The following GPHN variants were observed in gnomAD, a reference collection of about 807,000 sequenced individuals.
GPHN encodes gephyrin.
Under a neutral mutation model 95.5 loss-of-function variants are expected in GPHN, and 17 were observed. The ratio of observed to expected loss-of-function variants is 0.18; its 90% confidence interval spans 0.12 to 0.27. The LOEUF is 0.27. Among genes scored for constraint, GPHN ranks in the 10% least tolerant of loss-of-function variants. The pLI is 1.00. For synonymous variants in GPHN, 320 were observed against 322.5 expected, an observed-to-expected ratio of 0.99 and a Z score of 0.08; for missense variants, 660 against 978.1, an observed-to-expected ratio of 0.67 and a Z score of 4.34.
the GPHN span, among the ~76,000 whole-genome samples, chr14:67,326,772 T>C: frequency 5.3e-5 from 8 of 152,240 alleles, no homozygotes; most frequent in Non-Finnish European, 1.0e-4. Context: ...GTTTTTGAGA[T>C]TGATCTGTGT....
At chr14:66,906,914 C>G (rs2065408685) in intron 5 of GPHN, among the ~76,000 whole-genome samples, 1 of 152,106 alleles carries the variant, frequency 6.6e-6, no homozygotes, top group Non-Finnish European at 1.5e-5. Flanking sequence ...TTGGTAAAAA[C>G]AATGTGTATT....
the GPHN span, among the ~76,000 whole-genome samples, chr14:67,507,353 A>G: frequency 6.6e-6 from 1 of 151,776 alleles, no homozygotes; most frequent in Admixed American, 6.6e-5. Context: ...TGTCTCTAAA[A>G]TAAACAAAAA....
the GPHN span, among the ~76,000 whole-genome samples, chr14:67,515,985 G>A: frequency 1.3e-5 from 2 of 152,356 alleles, no homozygotes; most frequent in South Asian, 4.1e-4. Context: ...TACCATAAAG[G>A]TTACAGAGAA....
chr14:66,547,722 A>C (rs921654194), intron 1 of GPHN, among the ~76,000 whole-genome samples: 3 of 152,242 alleles, frequency 2.0e-5, no homozygotes, highest in Non-Finnish European at 2.9e-5. Context: ...CTGGTAAGAC[A>C]AGGAAACAGG....
the GPHN span, among the ~76,000 whole-genome samples, chr14:67,423,567 G>T: frequency 1.6e-4 from 24 of 152,122 alleles, no homozygotes; most frequent in African/African-American, 5.3e-4. Context: ...GGGCATCAGG[G>T]TGCTCATAGC....
chr14:67,360,247 C>T, the GPHN span: 12 of 399,462 alleles, frequency 3.0e-5, no homozygotes, highest in Non-Finnish European at 4.9e-5. Flanking sequence ...CGTCCTTGTT[C>T]TCGGAGGACC....
At chr14:66,877,279 C>T (rs1028768616) in intron 4 of GPHN, among the ~76,000 whole-genome samples, 1 of 152,196 alleles carries the variant, frequency 6.6e-6, no homozygotes, top group Non-Finnish European at 1.5e-5. Flanking sequence ...CAGCCAATAT[C>T]ATACTGATTG....
the GPHN span, among the ~76,000 whole-genome samples, chr14:67,226,776 T>A: frequency 6.6e-6 from 1 of 152,324 alleles, no homozygotes; most frequent in East Asian, 1.9e-4. Flanking sequence ...CATAATTCCC[T>A]GGCCTCCACA....
the GPHN span, among the ~76,000 whole-genome samples, chr14:67,535,459 C>A: frequency 7.4e-6 from 1 of 135,088 alleles, no homozygotes. Flanking sequence ...CAGCTCACTA[C>A]AACCTCCGCC....
At chr14:67,673,265 A>G in the GPHN span, among the ~76,000 whole-genome samples, 3 of 152,156 alleles carry the variant, frequency 2.0e-5, no homozygotes, top group Admixed American at 2.0e-4. Flanking sequence ...AATTGCTTCA[A>G]TCTGGGAAGT....
chr14:67,488,949 G>T, the GPHN span, among the ~76,000 whole-genome samples: 1 of 152,150 alleles, frequency 6.6e-6, no homozygotes, highest in Non-Finnish European at 1.5e-5. Context: ...AGATGATGGT[G>T]CACCTCTCCC....
chr14:66,674,426 T>C (rs1453322992), intron 1 of GPHN, among the ~76,000 whole-genome samples: 1 of 152,078 alleles, frequency 6.6e-6, no homozygotes, highest in Non-Finnish European at 1.5e-5. Context: ...TTTAAGTTTG[T>C]GTTCATTAAC....
chr14:67,332,837 C>A, the GPHN span: 1 of 1,614,000 alleles, frequency 6.2e-7, no homozygotes, highest in African/African-American at 1.3e-5. Flanking sequence ...GAACAATGGC[C>A]ACTACTTTGA....
intron 1 of GPHN, among the ~76,000 whole-genome samples, chr14:66,511,719 A>C (rs989050892): frequency 2.0e-5 from 3 of 152,056 alleles, no homozygotes; most frequent in Non-Finnish European, 4.4e-5. Flanking sequence ...AGGTTTATGA[A>C]AGAATAATGG....
At chr14:66,591,678 A>T (rs1199831028) in intron 1 of GPHN, among the ~76,000 whole-genome samples, 2 of 152,234 alleles carry the variant, frequency 1.3e-5, no homozygotes, top group East Asian at 3.8e-4. Flanking sequence ...ATGGAAAAAC[A>T]TTCCAAGCTC....
At chr14:66,850,276 G>A (rs1279370832) in intron 4 of GPHN, among the ~76,000 whole-genome samples, 1 of 151,992 alleles carries the variant, frequency 6.6e-6, no homozygotes, top group Non-Finnish European at 1.5e-5. Context: ...TATTTTGCTT[G>A]GCAAACTCAT....
At chr14:67,362,264 C>T in the GPHN span, among the ~76,000 whole-genome samples, 1 of 152,130 alleles carries the variant, frequency 6.6e-6, no homozygotes, top group South Asian at 2.1e-4. Context: ...AAGTGATCCA[C>T]CCGCCTCGGC....
chr14:66,770,140 C>G (rs1363470842), intron 2 of GPHN, among the ~76,000 whole-genome samples: 1 of 152,138 alleles, frequency 6.6e-6, no homozygotes, highest in African/African-American at 2.4e-5. Context: ...TGAAAAGCAT[C>G]TATTTATATC....
intron 1 of GPHN, among the ~76,000 whole-genome samples, chr14:66,589,626 G>T (rs948360125): frequency 6.6e-6 from 1 of 151,912 alleles, no homozygotes; most frequent in East Asian, 1.9e-4. Context: ...TGCAACAAGA[G>T]CTAACTATCC....
Sources: gnomAD v4.1 joint callset for allele counts (sites outside exome capture counted in the v4.1 genomes callset) on GRCh38, gnomAD v4.1.1 for gene constraint, MANE v1.5 for transcripts, NCBI Gene and HGNC (gene_info 2026-07-23, HGNC 2026-07-21) for gene names.